Variants in SLC35F4 observed in about 807,000 individuals in gnomAD.
SLC35F4 encodes the protein chromosome 14 open reading frame 36.
A neutral mutation model predicts 44.2 loss-of-function variants in SLC35F4; 24 were observed. The ratio of observed to expected loss-of-function variants is 0.54; its 90% CI spans 0.39 to 0.76. The LOEUF (loss-of-function observed/expected upper bound fraction) is 0.76. Ranked by LOEUF, SLC35F4 falls within the 30% of genes least tolerant of loss-of-function variation. The probability of loss-of-function intolerance (pLI) is 0.00; values close to 1 mark genes in which losing one functional copy is unlikely to be tolerated. For missense variants in SLC35F4, 562 were observed against 586.1 expected (o/e 0.96, Z 0.42); for synonymous variants, 238 against 223.6 (o/e 1.06, Z -0.57).
intron 1 of SLC35F4, among the ~76,000 whole-genome samples, chr14:57,657,789 C>T (rs1402184315): frequency 6.6e-6 from 1 of 152,114 alleles, no homozygotes; most frequent in Non-Finnish European, 1.5e-5. Flanking sequence ...GGTTCCTAAG[C>T]ATTCTAAAAT....
intron 1 of SLC35F4, among the ~76,000 whole-genome samples, chr14:57,883,031 GGGAGAAGGAGGAGA>G (rs1888570622): frequency 1.4e-5 from 2 of 146,902 alleles, no homozygotes; most frequent in African/African-American, 5.4e-5. Flanking sequence ...AGGAGGGGAG[GGGAGAAGGAGGAGA>G]AGGGGAGGGG....
intron 1 of SLC35F4, among the ~76,000 whole-genome samples, chr14:57,732,396 A>T (rs942213960): frequency 1.3e-5 from 2 of 152,216 alleles, no homozygotes; most frequent in Non-Finnish European, 2.9e-5. Flanking sequence ...CAAACTAGAA[A>T]AAAATGCATC....
intron 1 of SLC35F4, among the ~76,000 whole-genome samples, chr14:57,615,185 T>C (rs957304733): frequency 3.3e-5 from 5 of 152,178 alleles, no homozygotes; most frequent in African/African-American, 1.2e-4. Context: ...AAATGTGTCT[T>C]TCCTAAGCAT....
At chr14:57,764,540 T>A (rs752003197) in intron 1 of SLC35F4, among the ~76,000 whole-genome samples, 8 of 152,234 alleles carry the variant, frequency 5.3e-5, no homozygotes, top group Non-Finnish European at 1.2e-4. Flanking sequence ...CTCTTCCCTG[T>A]CTTCAGGAAT....
At chr14:57,731,175 G>C (rs2076333593) in intron 1 of SLC35F4, among the ~76,000 whole-genome samples, 1 of 152,092 alleles carries the variant, frequency 6.6e-6, no homozygotes, top group African/African-American at 2.4e-5. Flanking sequence ...ACCCACAGCA[G>C]AGCCCCGATG....
Position 57,865,829 on chromosome 14 carries a change from G to C in SLC35F4, c.-4C>G. 2 of 1,504,134 alleles carry C rather than the reference G, an allele frequency of 1.3e-6. No homozygotes were observed. The highest frequency in any genetic ancestry group is 1.8e-6 in the Non-Finnish European group (2 of 1,132,622). The allele number at this position is 1,504,134 out of a possible 1,614,324, so 93.2% of individuals were successfully genotyped here. ...TGGGGGCCGCCTTGACATCCATAGA[G>C]AGCGCGGGGCGACGGCCCCGAGTGC... On this transcript the variant is annotated 5_prime_UTR_variant, in exon 1 of 8. Coordinates refer to ENST00000556826, the MANE Select transcript of SLC35F4 (RefSeq NM_001306087.2).
intron 1 of SLC35F4, among the ~76,000 whole-genome samples, chr14:57,655,973 A>C (rs370237557): frequency 2.6e-5 from 4 of 152,178 alleles, no homozygotes; most frequent in Admixed American, 1.3e-4. Flanking sequence ...ATTCCTGAGG[A>C]GTACAGGAAG....
At chr14:57,707,245 T>C (rs1249103480) in intron 1 of SLC35F4, among the ~76,000 whole-genome samples, 1 of 152,192 alleles carries the variant, frequency 6.6e-6, no homozygotes, top group Admixed American at 6.6e-5. Flanking sequence ...GCAAGCATGA[T>C]AATGTGGTCT....
intron 1 of SLC35F4, among the ~76,000 whole-genome samples, chr14:57,873,802 G>A (rs11851481): frequency 0.11 from 15,975 of 152,034 alleles, 2,561 homozygotes; most frequent in African/African-American, 0.35. Context: ...TCTCCAGCAT[G>A]GCTTGTTTTA....
At chr14:57,606,847 T>G (rs1405825199) in intron 1 of SLC35F4, among the ~76,000 whole-genome samples, 1 of 152,204 alleles carries the variant, frequency 6.6e-6, no homozygotes, top group African/African-American at 2.4e-5. Context: ...TCCATTATAG[T>G]TCAAAACTCA....
chr14:57,974,199 G>A (rs761673542), downstream of SLC35F4, among the ~76,000 whole-genome samples: 2 of 152,082 alleles, frequency 1.3e-5, no homozygotes, highest in African/African-American at 2.4e-5. Context: ...GTAGGGTTGC[G>A]TGGAAGACTG....
chr14:57,881,329 T>C (rs1353005573), intron 1 of SLC35F4, among the ~76,000 whole-genome samples: 3 of 152,184 alleles, frequency 2.0e-5, no homozygotes, highest in African/African-American at 7.2e-5. Flanking sequence ...ACTCCTTCTA[T>C]AGATGCCTCC....
chr14:57,751,300 T>C (rs1052281578), intron 1 of SLC35F4, among the ~76,000 whole-genome samples: 10 of 152,172 alleles, frequency 6.6e-5, no homozygotes, highest in Non-Finnish European at 5.9e-5. Context: ...TATCTCCATG[T>C]AGTTAGTAGT....
At chr14:57,823,581 T>C (rs372516371) in intron 1 of SLC35F4, among the ~76,000 whole-genome samples, 15 of 152,304 alleles carry the variant, frequency 9.8e-5, no homozygotes, top group African/African-American at 3.4e-4. Context: ...TGGTTCCTAG[T>C]TGGTGCTCAA....
At chr14:57,632,489 G>T (rs2072830779) in intron 1 of SLC35F4, among the ~76,000 whole-genome samples, 1 of 152,046 alleles carries the variant, frequency 6.6e-6, no homozygotes, top group Admixed American at 6.6e-5. Context: ...AAAATAGACT[G>T]TATTTCTTAG....
At chr14:57,934,305 A>C (rs808228) in intron 1 of SLC35F4, among the ~76,000 whole-genome samples, 1 of 148,124 alleles carries the variant, frequency 6.8e-6, no homozygotes, top group African/African-American at 2.5e-5. Context: ...AGAGTGGTTA[A>C]TAAATTATGA....
Position 57,861,416 on chromosome 14 carries a change from G to A in SLC35F4, c.103+4307C>T, listed in dbSNP as rs1887668522. On this transcript the variant is annotated intron_variant, in intron 1 of 7. Coordinates refer to ENST00000556826, the MANE Select transcript of SLC35F4 (RefSeq NM_001306087.2). ...CTTCATTAATTTTTCTTTCTCTATT[G>A]AATCATTCTCATTTGCATGCAGACT... 3.9e-5 allele frequency among the ~76,000 whole-genome samples: 6 copies of A among 151,948 alleles called. No homozygotes were observed. In the South Asian group the frequency reaches 1.2e-3, roughly 32 times the overall value.
At chr14:57,963,968 C>T (rs1004396117) in intron 1 of SLC35F4, among the ~76,000 whole-genome samples, 5 of 152,016 alleles carry the variant, frequency 3.3e-5, no homozygotes, top group African/African-American at 1.2e-4. Flanking sequence ...AGCAATCTCC[C>T]ACCTCGGCCT....
chr14:57,844,425 C>T (rs1272548239), intron 1 of SLC35F4, among the ~76,000 whole-genome samples: 1 of 152,186 alleles, frequency 6.6e-6, no homozygotes, highest in Non-Finnish European at 1.5e-5. Context: ...ACTTTAGCAA[C>T]ACCAGGGTCA....
Sources: allele counts gnomAD v4.1 joint callset (sites outside exome capture counted in the v4.1 genomes callset), GRCh38; gene constraint gnomAD v4.1.1; transcripts MANE v1.5; gene names NCBI Gene and HGNC (gene_info 2026-07-23, HGNC 2026-07-21).